TSC2: variants seen among roughly 807,000 people sequenced by gnomAD.
The protein encoded by TSC2 is TSC complex subunit 2.
TSC2 carries 29 observed loss-of-function variants against 202.2 expected under a neutral mutation model. The ratio of observed to expected loss-of-function variants is 0.14; its 90% CI spans 0.11 to 0.20. The LOEUF is 0.20. TSC2 is among the 10% of genes least tolerant of loss of function. TSC2 has a pLI of 1.00. For synonymous variants in TSC2, 1,349 were observed against 1,044.0 expected, an observed-to-expected ratio of 1.29 and a Z score of -5.63; for missense variants, 2,429 against 2,420.0, an observed-to-expected ratio of 1.00 and a Z score of -0.08.
intron 36 of TSC2, among the ~76,000 whole-genome samples, chr16:2,085,930 C>T (rs1023179400): frequency 6.6e-6 from 1 of 152,196 alleles, no homozygotes; most frequent in African/African-American, 2.4e-5. Flanking sequence ...TGGGGGCAGG[C>T]TGCTGAGGGG....
At position 2,071,539 on chromosome 16, in the gene TSC2, C is replaced by G. The variant is rs111244727; in HGVS notation, c.1869C>G (p.Ala623=). The G allele has an allele frequency of 1.2e-5, 19 of 1,613,564 alleles. No homozygotes were observed. The African/African-American group carries it at 2.0e-4, about 17-fold the overall frequency. ...QAFDFLLLLR[A]DSLHRLGLPN... is the part of the protein sequence containing the mutation. The stretch of plus-strand genomic sequence containing the variant: ...TTGACTTCCTGTTGCTGCTGCGGGC[C>G]GACTCACTGCACCGCCTGGGCCTGC... The change falls in exon 18 of 42, where the codon GCC becomes GCG. Residue 623 remains alanine, a synonymous_variant. Coordinates refer to ENST00000219476, the MANE Select transcript of TSC2 (RefSeq NM_000548.5).
intron 30 of TSC2, 33 bp from the exon 31 acceptor site, chr16:2,081,562 G>A: frequency 6.2e-7 from 1 of 1,612,700 alleles, no homozygotes; most frequent in South Asian, 1.1e-5. Context: ...GGGAGGTACT[G>A]GCCTCAGGCC....
chr16:2,060,129 C>A (rs537904352), intron 10 of TSC2, among the ~76,000 whole-genome samples: 3 of 152,198 alleles, frequency 2.0e-5, no homozygotes, highest in Non-Finnish European at 4.4e-5. Context: ...GTGGCACAGA[C>A]GCTGGTGGTA....
intron 36 of TSC2, among the ~76,000 whole-genome samples, chr16:2,085,670 C>T (rs1335648815): frequency 6.6e-6 from 1 of 152,180 alleles, no homozygotes; most frequent in Non-Finnish European, 1.5e-5. Flanking sequence ...GCATCCCACA[C>T]ACCAGCAGCG....
intron 31 of TSC2, 176 bp from the exon 32 acceptor site, chr16:2,082,260 C>G: frequency 1.4e-6 from 1 of 704,184 alleles, no homozygotes; most frequent in South Asian, 1.6e-5. Context: ...GAGGGAGGCA[C>G]TGCCCTCCTC....
In TSC2 at chr16:2,078,751, A is replaced by G. The variant is rs914582710; in HGVS notation, c.2967-281A>G. ...CCGTTTCGCCAGGAGGCCGTAACCT[A>G]GTGCTCCCGTGGGCTTCGGTGAGGG... On this transcript the variant is annotated intron_variant, in intron 26 of 41. Coordinates refer to ENST00000219476, the MANE Select transcript of TSC2 (RefSeq NM_000548.5). 1.4e-5 allele frequency: 7 copies of G among 509,128 alleles called. No individual in the cohort carries two copies. The East Asian group carries it at 2.5e-4, about 18-fold the overall frequency. 31.5% of individuals were successfully genotyped at this position (509,128 alleles called of 1,614,324 possible).
chr16:2,066,921 C>G (rs2087459811), intron 16 of TSC2, among the ~76,000 whole-genome samples: 1 of 152,104 alleles, frequency 6.6e-6, no homozygotes, highest in Non-Finnish European at 1.5e-5. Flanking sequence ...CTTGGCCTCC[C>G]AAAGTGCTGG....
intron 19 of TSC2, 85 bp downstream of exon 19, chr16:2,072,019 C>G (rs1239664249): frequency 1.9e-5 from 29 of 1,492,414 alleles, no homozygotes; most frequent in Non-Finnish European, 2.4e-5. Flanking sequence ...GCCTCCCTCC[C>G]TGTCTGGCCT....
chr16:2,074,073 C>G, intron 21 of TSC2, 127 bp from the exon 22 acceptor site: 1 of 1,244,972 alleles, frequency 8.0e-7, no homozygotes, highest in South Asian at 1.3e-5. Flanking sequence ...TGGCTCTGCC[C>G]CACAGGCATT....
chr16:2,065,679 C>G, intron 16 of TSC2, 44 bp downstream of exon 16: 1 of 1,516,752 alleles, frequency 6.6e-7, no homozygotes, highest in Non-Finnish European at 9.1e-7. Context: ...GCGCGCATGG[C>G]TAGCGTCCAC....
At chr16:2,054,667 G>A (rs908027049) in intron 5 of TSC2, 2 of 625,392 alleles carry the variant, frequency 3.2e-6, no homozygotes, top group African/African-American at 1.8e-5. Flanking sequence ...CTGACTGTGA[G>A]TCTCTGGGGC....
chr16:2,049,029 A>G (rs2084741424), intron 2 of TSC2, among the ~76,000 whole-genome samples: 1 of 152,196 alleles, frequency 6.6e-6, no homozygotes. Flanking sequence ...CTTCACAGGT[A>G]AGGATATGTC....
In TSC2 at chr16:2,088,819, C is replaced by G; in HGVS notation, c.*209C>G. On this transcript the variant is annotated 3_prime_UTR_variant, in exon 42 of 42. Transcript: ENST00000219476. ...CAGAAGTGGTACACAGAAGCAGGCACAGCCAGCTCCGAGGGCCTTGAGGCT... is the reference window on the plus strand; with the variant it reads ...CAGAAGTGGTACACAGAAGCAGGCAGAGCCAGCTCCGAGGGCCTTGAGGCT... 7.4e-6 allele frequency: 5 copies of G among 675,104 alleles called. No homozygotes were observed. The highest frequency in any genetic ancestry group is 5.7e-5 in the South Asian group (3 of 52,210). 41.8% of individuals were successfully genotyped at this position (675,104 alleles called of 1,614,324 possible).
chr16:2,072,071 C>G (rs987493458), intron 19 of TSC2, 137 bp downstream of exon 19: 26 of 1,483,828 alleles, frequency 1.8e-5, no homozygotes, highest in Non-Finnish European at 2.1e-5. Flanking sequence ...TTCCCCCTTC[C>G]CCGAGCAGCT....
chr16:2,062,376 G>A (rs2086743759), intron 12 of TSC2, 121 bp from the exon 13 acceptor site: 1 of 938,814 alleles, frequency 1.1e-6, no homozygotes, highest in African/African-American at 1.6e-5. Flanking sequence ...TCTGGGCTGT[G>A]GGCTGCAGGC....
intron 22 of TSC2, chr16:2,074,661 G>C: frequency 1.9e-6 from 1 of 537,394 alleles, no homozygotes; most frequent in Non-Finnish European, 3.4e-6. Flanking sequence ...CCTGGTTTTG[G>C]GCCTCCTCTC....
chr16:2,050,668 T>C (rs2084998111), intron 3 of TSC2, among the ~76,000 whole-genome samples, 182 bp downstream of exon 3: 1 of 149,602 alleles, frequency 6.7e-6, no homozygotes. Context: ...CTTGGCTCAC[T>C]GCAGCCTCTG....
rs137854366 is a variant in TSC2 at position 2,084,582 on chromosome 16, A to G, written c.4360A>G (p.Ser1454Gly). The G allele has an allele frequency of 6.2e-7, 1 of 1,606,438 alleles. No homozygotes were observed. ...GCCTTCCAGCTCCCCCCGCTCGCCCAGTGGCCTCCGGCCCCGAGGTTACAC... is the reference window on the plus strand; with the variant it reads ...GCCTTCCAGCTCCCCCCGCTCGCCCGGTGGCCTCCGGCCCCGAGGTTACAC... ...PLPSSSPRSPSGLRPRGYTIS... is the reference protein window; with the variant it reads ...PLPSSSPRSPGGLRPRGYTIS... Residue 1454 changes from serine to glycine, a missense_variant, in exon 34 of 42, where the codon AGT (serine) becomes GGT (glycine). By Grantham distance (56) the Ser-to-Gly change is moderately conservative. Coordinates refer to ENST00000219476, the MANE Select transcript of TSC2 (RefSeq NM_000548.5).
chr16:2,087,981 G>C (rs185211341), intron 39 of TSC2, 40 bp downstream of exon 39: 1 of 1,611,198 alleles, frequency 6.2e-7, no homozygotes, highest in East Asian at 2.2e-5. Context: ...GAAAGGTAGG[G>C]CCGGGTGGGG....
Sources: gnomAD v4.1 joint callset for allele counts (sites outside exome capture counted in the v4.1 genomes callset) on GRCh38, gnomAD v4.1.1 for gene constraint, MANE v1.5 for transcripts, NCBI Gene and HGNC (gene_info 2026-07-23, HGNC 2026-07-21) for gene names.